The following DBF4B variants were observed in gnomAD, a reference collection of about 807,000 sequenced individuals.
DBF4B encodes protein DBF4 homolog B.
In DBF4B, 49 loss-of-function variants were observed where a neutral mutation model predicts 53.4. The ratio of observed to expected loss-of-function variants is 0.92; its 90% CI spans 0.73 to 1.16. The LOEUF is 1.16. Ranked by LOEUF, DBF4B falls within the 50% of genes most tolerant of loss-of-function variation. DBF4B has a pLI of 0.00. For synonymous variants in DBF4B, 257 were observed against 288.7 expected (o/e 0.89, Z 1.11); for missense variants, 692 against 775.0 (o/e 0.89, Z 1.27).
In DBF4B at chr17:44,738,418, A is replaced by T; in HGVS notation, c.707A>T (p.Glu236Val). The T allele has an allele frequency of 6.2e-7, 1 of 1,613,764 alleles. No homozygotes were observed. The highest frequency in any genetic ancestry group is 1.3e-5 in the African/African-American group (1 of 75,070). Residue 236 changes from glutamate to valine, a missense_variant, in exon 9 of 14, where the codon GAA (glutamate) becomes GTA (valine). Coordinates refer to ENST00000315005, the MANE Select transcript of DBF4B (RefSeq NM_145663.3). ...LKAPFLKIED[E>V]SRKFRPFHHQ... The stretch of plus-strand genomic sequence containing the variant: ...GCCCCGTTCCTCAAAATCGAAGATG[A>T]AAGCAGGTGAGTGGGACCTCCTTTC...
intron 2 of DBF4B, among the ~76,000 whole-genome samples, chr17:44,722,289 T>C (rs1474038979): frequency 2.6e-5 from 4 of 152,042 alleles, no homozygotes; most frequent in African/African-American, 9.7e-5. Flanking sequence ...TTTTGAGTTA[T>C]AATTACCTAA....
chr17:44,718,141 AC>A (rs1973491140), intron 2 of DBF4B, among the ~76,000 whole-genome samples: 1 of 151,924 alleles, frequency 6.6e-6, no homozygotes, highest in South Asian at 2.1e-4. Context: ...GTTTAAGATT[AC>A]ATGTTGCAGC....
Position 44,751,334 on chromosome 17 carries a change from T to C in DBF4B, c.*81T>C. On this transcript the variant is annotated 3_prime_UTR_variant, in exon 14 of 14. Transcript: ENST00000315005. ...TGAATGAGGTCCCGCAGTGGCTCCT[T>C]GGCGTGAGCACTGCTCAGACTCCTT... 3 of 1,515,872 alleles carry C rather than the reference T, an allele frequency of 2.0e-6. No individual in the cohort carries two copies. The highest frequency in any genetic ancestry group is 2.6e-6 in the Non-Finnish European group (3 of 1,135,596). 93.9% of individuals were successfully genotyped at this position (1,515,872 alleles called of 1,614,324 possible). A position where few individuals can be genotyped will look rare whatever the true frequency, so the allele number is the denominator to read the frequency against.
chr17:44,729,990 A>T lies in DBF4B; in HGVS notation c.311A>T (p.His104Leu). Residue 104 changes from histidine to leucine, a missense_variant, in exon 4 of 14, where the codon CAT (histidine) becomes CTT (leucine). Transcript: ENST00000315005. ...EVKAESSGKS[H>L]RGCPSPSPSE... ...AAGGCAGAGAGCAGTGGGAAAAGCC[A>T]TAGAGGCTGCCCTAGCCCTAGCCCC... is the stretch of plus-strand genomic sequence containing the variant. The T allele has an allele frequency of 6.2e-7, 1 of 1,613,972 alleles. No homozygotes were observed. The highest frequency in any genetic ancestry group is 8.5e-7 in the Non-Finnish European group (1 of 1,180,034).
At chr17:44,731,676 G>A (rs1974850488) in intron 5 of DBF4B, 1 of 158,306 alleles carries the variant, frequency 6.3e-6, no homozygotes, top group South Asian at 1.9e-4. Flanking sequence ...TTAGTGGCAG[G>A]AGGAGGAGTT....
rs185411099 is a variant in DBF4B, at chr17:44,732,318, G to C, written c.556+53G>C. The C allele has an allele frequency of 6.0e-5, 95 of 1,586,196 alleles. No homozygotes were observed. In the East Asian group the frequency reaches 2.1e-3, roughly 36 times the overall value. ...GAGGGAGAATTGGTGACTTTGACCA[G>C]GAGTGTCAGCTTTTAGAAGGATCAT... On this transcript the variant is annotated intron_variant, in intron 6 of 13. Transcript: ENST00000315005.
intron 12 of DBF4B, 65 bp from the exon 13 acceptor site, chr17:44,748,276 T>C: frequency 6.6e-7 from 1 of 1,525,966 alleles, no homozygotes; most frequent in Non-Finnish European, 8.8e-7. Context: ...CCCTGTGCCC[T>C]CAGCCCTGGC....
chr17:44,746,972 G>A, intron 10 of DBF4B, 111 bp from the exon 11 acceptor site: 1 of 941,664 alleles, frequency 1.1e-6, no homozygotes, highest in South Asian at 1.4e-5. Flanking sequence ...ACAGCCCCTT[G>A]GCCATCTTGG....
intron 3 of DBF4B, 101 bp from the exon 4 acceptor site, chr17:44,729,804 C>G (rs1278647410): frequency 1.6e-6 from 2 of 1,285,142 alleles, no homozygotes; most frequent in East Asian, 4.7e-5. Context: ...GACATTGATT[C>G]TGGAACTCCT....
At chr17:44,719,571 C>CT (rs1568164887) in intron 2 of DBF4B, among the ~76,000 whole-genome samples, 1 of 152,178 alleles carries the variant, frequency 6.6e-6, no homozygotes. Context: ...ATTTCTTTCA[C>CT]TTAGCATAAT....
At chr17:44,725,684 C>CTTCTTTTTTTTTTTTTTTT (rs777349094) in intron 3 of DBF4B, among the ~76,000 whole-genome samples, 4 of 87,662 alleles carry the variant, frequency 4.6e-5, no homozygotes, top group African/African-American at 1.9e-4. Flanking sequence ...TTTTGTGCTT[C>CTTCTTTTTTTTTTTTTTTT]TTTTTTTTTT....
At chr17:44,732,383 C>CT in intron 6 of DBF4B, 118 bp downstream of exon 6, 1 of 1,077,796 alleles carries the variant, frequency 9.3e-7, no homozygotes, top group South Asian at 1.5e-5. Context: ...CAGAAATACT[C>CT]AGCTGCCATG....
intron 3 of DBF4B, among the ~76,000 whole-genome samples, chr17:44,725,902 G>A (rs930082727): frequency 6.6e-6 from 1 of 151,668 alleles, no homozygotes; most frequent in African/African-American, 2.4e-5. Context: ...GCCCCAGACT[G>A]GTCACGACCT....
At chr17:44,731,311 TTTTA>T in intron 5 of DBF4B, 1 of 338,102 alleles carries the variant, frequency 3.0e-6, no homozygotes, top group Non-Finnish European at 5.8e-6. Context: ...GCCAGACTTC[TTTTA>T]CAAGTAACTC....
chr17:44,722,411 C>T (rs990026926), intron 2 of DBF4B, among the ~76,000 whole-genome samples: 7 of 152,148 alleles, frequency 4.6e-5, no homozygotes, highest in Non-Finnish European at 1.0e-4. Context: ...CTAAGCTAGG[C>T]GGCAACACTG....
chr17:44,725,197 G>A (rs1974205291), intron 3 of DBF4B, among the ~76,000 whole-genome samples: 1 of 152,038 alleles, frequency 6.6e-6, no homozygotes, highest in African/African-American at 2.4e-5. Context: ...GGCTAAGCTG[G>A]GAGGATTATC....
intron 3 of DBF4B, 108 bp from the exon 4 acceptor site, chr17:44,729,797 A>G (rs1441342220): frequency 3.3e-6 from 4 of 1,205,004 alleles, no homozygotes; most frequent in Non-Finnish European, 4.6e-6. Flanking sequence ...ATTTAAAGAC[A>G]TTGATTCTGG....
chr17:44,720,977 T>G (rs951553666), intron 2 of DBF4B, among the ~76,000 whole-genome samples: 10 of 152,010 alleles, frequency 6.6e-5, no homozygotes, highest in African/African-American at 2.4e-4. Flanking sequence ...ACAATTCTCC[T>G]GCCTCAGCCT....
chr17:44,716,940 A>G (rs1448086729), intron 2 of DBF4B, among the ~76,000 whole-genome samples: 1 of 152,030 alleles, frequency 6.6e-6, no homozygotes, highest in Admixed American at 6.6e-5. Context: ...CCAGCGTCCA[A>G]CATTTTGTAG....
Sources: gnomAD v4.1 joint callset for allele counts (sites outside exome capture counted in the v4.1 genomes callset) on GRCh38, gnomAD v4.1.1 for gene constraint, MANE v1.5 for transcripts, NCBI Gene and HGNC (gene_info 2026-07-23, HGNC 2026-07-21) for gene names.